Variants in GTF2IRD1 observed in about 807,000 individuals in gnomAD.
The protein encoded by GTF2IRD1 is GTF2I repeat domain containing 1, also known as general transcription factor II-I repeat domain-containing protein 1.
GTF2IRD1 carries 26 observed loss-of-function variants against 113.2 expected under a neutral mutation model. That is an observed-to-expected ratio of 0.23 (90% CI 0.17 to 0.32). GTF2IRD1 has a LOEUF of 0.32. Among genes scored for constraint, GTF2IRD1 ranks in the 10% least tolerant of loss-of-function variants. GTF2IRD1 has a pLI of 1.00. For synonymous variants in GTF2IRD1, 484 were observed against 529.1 expected, an observed-to-expected ratio of 0.91 and a Z score of 1.17; for missense variants, 864 against 1,280.8, an observed-to-expected ratio of 0.67 and a Z score of 4.97.
chr7:74,463,156 C>A (rs1554329851), intron 1 of GTF2IRD1, among the ~76,000 whole-genome samples: 1 of 152,180 alleles, frequency 6.6e-6, no homozygotes, highest in African/African-American at 2.4e-5. Context: ...GCCACTGTTG[C>A]AGGCAGGAGC....
At chr7:74,545,142 C>T (rs1434580166) in intron 15 of GTF2IRD1, among the ~76,000 whole-genome samples, 1 of 152,124 alleles carries the variant, frequency 6.6e-6, no homozygotes, top group Non-Finnish European at 1.5e-5. Flanking sequence ...AGATTAGAGG[C>T]CTGAAAGCAC....
At chr7:74,580,602 TA>T (rs1481091142) in intron 22 of GTF2IRD1, among the ~76,000 whole-genome samples, 3 of 151,972 alleles carry the variant, frequency 2.0e-5, no homozygotes, top group Admixed American at 6.6e-5. Context: ...AAATTTCAGT[TA>T]CTCCTTGGGC....
rs1797062192 is a variant in GTF2IRD1 at position 74,518,180 on chromosome 7, G to A, written c.463G>A (p.Glu155Lys). 6.2e-7 allele frequency: 1 copy of A among 1,609,482 alleles called. No homozygotes were observed. Among genetic ancestry groups the A allele is most frequent in the Non-Finnish European group, 8.5e-7 (1 of 1,178,192 alleles). ...GRASVVPLPYERLLREPGLLA... is the reference protein window; with the variant it reads ...GRASVVPLPYKRLLREPGLLA... ...GGCCAGTGTGGTGCCACTGCCCTAT[G>A]AGAGGCTGCTCAGGGAGCCAGGGCT... Residue 155 changes from glutamate to lysine, a missense_variant, in exon 5 of 27, where the codon GAG (glutamate) becomes AAG (lysine). By Grantham distance (56) the Glu-to-Lys change is moderately conservative. Transcript: ENST00000424337.
chr7:74,568,986 C>A (rs1800519429), intron 22 of GTF2IRD1, among the ~76,000 whole-genome samples: 1 of 152,182 alleles, frequency 6.6e-6, no homozygotes, highest in African/African-American at 2.4e-5. Flanking sequence ...CTGCACACAG[C>A]TGAAATCCCC....
chr7:74,460,135 C>T (rs1793269539), intron 1 of GTF2IRD1, among the ~76,000 whole-genome samples: 2 of 151,824 alleles, frequency 1.3e-5, no homozygotes, highest in Middle Eastern at 3.4e-3. Context: ...GCCACCGTGC[C>T]CGGCTAATTT....
At chr7:74,521,797 C>T (rs1270378003) in intron 7 of GTF2IRD1, among the ~76,000 whole-genome samples, 1 of 152,078 alleles carries the variant, frequency 6.6e-6, no homozygotes, top group Non-Finnish European at 1.5e-5. Context: ...TAAATAACCC[C>T]AAAATGGAGC....
At chr7:74,546,663 AGGCGT>A (rs1424506056) in intron 16 of GTF2IRD1, among the ~76,000 whole-genome samples, 1 of 152,190 alleles carries the variant, frequency 6.6e-6, no homozygotes, top group Non-Finnish European at 1.5e-5. Context: ...GTTCGTTCCA[AGGCGT>A]GGTGTTGTGC....
intron 22 of GTF2IRD1, among the ~76,000 whole-genome samples, chr7:74,569,843 G>C (rs797023657): frequency 3.9e-5 from 6 of 152,260 alleles, no homozygotes; most frequent in African/African-American, 1.4e-4. Flanking sequence ...CTGTGGGCTT[G>C]TGAGACACAT....
At chr7:74,587,587 C>T (rs1801789777) in intron 22 of GTF2IRD1, among the ~76,000 whole-genome samples, 2 of 152,136 alleles carry the variant, frequency 1.3e-5, no homozygotes, top group South Asian at 4.1e-4. Flanking sequence ...CCCGCCTGCC[C>T]CAAGAGGCCC....
intron 1 of GTF2IRD1, among the ~76,000 whole-genome samples, chr7:74,478,451 TTG>T (rs150478733): frequency 0.15 from 22,636 of 150,846 alleles, 2,131 homozygotes; most frequent in African/African-American, 0.26. Flanking sequence ...AGTTTGAGCA[TTG>T]TGTGTGTGTG....
intron 1 of GTF2IRD1, among the ~76,000 whole-genome samples, chr7:74,466,903 C>T (rs1359892107): frequency 6.7e-5 from 10 of 149,712 alleles, no homozygotes; most frequent in Admixed American, 1.3e-4. Flanking sequence ...GAAGCAAGCT[C>T]GGGGTGGGGG....
At chr7:74,545,634 C>T (rs1423260496) in intron 15 of GTF2IRD1, 110 bp from the exon 16 acceptor site, 1 of 661,878 alleles carries the variant, frequency 1.5e-6, no homozygotes, top group Non-Finnish European at 2.8e-6. Flanking sequence ...CCCCAGCCTT[C>T]CCCCATTCCA....
At chr7:74,506,594 T>C (rs1358872379) in intron 1 of GTF2IRD1, 2 of 152,112 alleles carry the variant, frequency 1.3e-5, no homozygotes, top group Admixed American at 6.6e-5. Context: ...ACTGAGCCCA[T>C]AGAGGGGAAC....
intron 22 of GTF2IRD1, among the ~76,000 whole-genome samples, chr7:74,576,992 G>T (rs1481254483): frequency 6.6e-6 from 1 of 152,040 alleles, no homozygotes. Flanking sequence ...GAAGAGCTCA[G>T]ATTCTCTGAG....
intron 22 of GTF2IRD1, among the ~76,000 whole-genome samples, chr7:74,576,420 G>A (rs1433252944): frequency 2.0e-5 from 3 of 150,554 alleles, no homozygotes; most frequent in Non-Finnish European, 4.4e-5. Context: ...AATTAGCCAG[G>A]TGTGGTGGTG....
chr7:74,530,988 G>T (rs1248316662), intron 9 of GTF2IRD1, among the ~76,000 whole-genome samples: 1 of 151,816 alleles, frequency 6.6e-6, no homozygotes, highest in Admixed American at 6.6e-5. Flanking sequence ...AGGATCACTT[G>T]ACCACAGGAG....
intron 22 of GTF2IRD1, among the ~76,000 whole-genome samples, chr7:74,573,441 G>C (rs983502258): frequency 8.6e-5 from 13 of 151,890 alleles, no homozygotes; most frequent in African/African-American, 3.1e-4. Context: ...ATAGACAGGG[G>C]CTTTCCGGAC....
At chr7:74,585,088 C>T (rs587639103) in intron 22 of GTF2IRD1, among the ~76,000 whole-genome samples, 1 of 151,004 alleles carries the variant, frequency 6.6e-6, no homozygotes, top group East Asian at 2.0e-4. Context: ...AGATGTGAGC[C>T]ACCGCGCCCA....
At chr7:74,564,486 T>C (rs1459618283) in intron 22 of GTF2IRD1, among the ~76,000 whole-genome samples, 1 of 152,122 alleles carries the variant, frequency 6.6e-6, no homozygotes, top group Non-Finnish European at 1.5e-5. Context: ...CGTGGTGGCT[T>C]ATACCTATAA....
Sources: gnomAD v4.1 joint callset for allele counts (sites outside exome capture counted in the v4.1 genomes callset) on GRCh38, gnomAD v4.1.1 for gene constraint, MANE v1.5 for transcripts, NCBI Gene and HGNC (gene_info 2026-07-23, HGNC 2026-07-21) for gene names.